The following PCDH15 variants were observed in gnomAD, a reference collection of about 807,000 sequenced individuals.
The protein encoded by PCDH15 is protocadherin related 15.
PCDH15 carries 129 observed loss-of-function variants against 178.5 expected under a neutral mutation model. The observed-to-expected ratio is 0.72, with a 90% CI of 0.63 to 0.84. The LOEUF (loss-of-function observed/expected upper bound fraction) is 0.84. PCDH15 is among the 40% of genes least tolerant of loss of function. PCDH15 has a pLI of 0.00. For synonymous variants in PCDH15, 800 were observed against 732.0 expected (o/e 1.09, Z -1.50); for missense variants, 2,230 against 2,099.9 (o/e 1.06, Z -1.21).
chr10:54,035,630 G>C (rs10825198), intron 18 of PCDH15, among the ~76,000 whole-genome samples: 91,487 of 151,644 alleles, frequency 0.6, 30,119 homozygotes, highest in Middle Eastern at 0.77. Flanking sequence ...CACTTTCCTT[G>C]AGCCTTCCTA....
intron 2 of PCDH15, among the ~76,000 whole-genome samples, chr10:55,057,084 G>T (rs1256223577): frequency 6.6e-6 from 1 of 152,138 alleles, no homozygotes; most frequent in Non-Finnish European, 1.5e-5. Flanking sequence ...AGGAAATGAA[G>T]TAAAGATAAA....
intron 3 of PCDH15, among the ~76,000 whole-genome samples, chr10:54,414,555 A>G (rs1449412391): frequency 1.2e-4 from 18 of 152,138 alleles, no homozygotes; most frequent in Admixed American, 1.2e-3. Context: ...TAGAATTTTC[A>G]GTCAGTGAAT....
At chr10:54,223,304 C>CAA (rs57667414) in intron 9 of PCDH15, among the ~76,000 whole-genome samples, 6,860 of 30,550 alleles carry the variant, frequency 0.22, 949 homozygotes, top group African/African-American at 0.39. Flanking sequence ...AACTACGTCT[C>CAA]AAAAAAAAAA....
chr10:54,600,681 T>G (rs1018483787), intron 2 of PCDH15: 1 of 569,668 alleles, frequency 1.8e-6, no homozygotes, highest in Non-Finnish European at 3.3e-6. Flanking sequence ...CCAGAGTGAC[T>G]AAGATTTGAG....
At chr10:55,408,239 G>A (rs180892339) in intron 2 of PCDH15, among the ~76,000 whole-genome samples, 1 of 150,922 alleles carries the variant, frequency 6.6e-6, no homozygotes, top group African/African-American at 2.4e-5. Context: ...AGGCTGGAGT[G>A]CAGTGGTGCG....
intron 2 of PCDH15, among the ~76,000 whole-genome samples, chr10:55,604,680 A>T (rs1389739320): frequency 1.3e-5 from 2 of 148,502 alleles, no homozygotes; most frequent in East Asian, 4.0e-4. Context: ...AGAAATAAAG[A>T]TGTTCTTTGA....
At chr10:54,975,345 C>T (rs927004052) in intron 2 of PCDH15, among the ~76,000 whole-genome samples, 3 of 152,126 alleles carry the variant, frequency 2.0e-5, no homozygotes, top group Admixed American at 1.3e-4. Flanking sequence ...CTCTTTAATA[C>T]AGATGTAAAG....
Position 53,970,286 on chromosome 10 carries a change from G to A in PCDH15, c.2869-8394C>T, listed in dbSNP as rs1177390852. Among the ~76,000 whole-genome samples, 4 of 152,050 alleles carry A rather than the reference G, an allele frequency of 2.6e-5. No homozygotes were observed. In the South Asian group the frequency reaches 8.3e-4, roughly 32 times the overall value. ...GAAGGCCATTACATAATGGTAAAGGGATCAATTCAACAAGAAGAGCTAACT... is the reference window on the plus strand; with the variant it reads ...GAAGGCCATTACATAATGGTAAAGGAATCAATTCAACAAGAAGAGCTAACT... On this transcript the variant is annotated intron_variant, in intron 21 of 37. Transcript: ENST00000644397.
At position 55,208,240 on chromosome 10, in the gene PCDH15, T is replaced by C. The variant is rs577406387; in HGVS notation, c.-155-41589A>G. On this transcript the variant is annotated intron_variant, in intron 1 of 5. Coordinates refer to the PCDH15 transcript ENST00000458638. ...TGTTGCCCACTAAATAAATAAATAT[T>C]GGAGATATTTCCATACAAGTGTTCT... Among the ~76,000 whole-genome samples, 18 of 152,238 alleles carry C rather than the reference T, an allele frequency of 1.2e-4. No homozygotes were observed. The East Asian group carries it at 3.5e-3, about 29-fold the overall frequency.
chr10:54,929,432 T>C (rs1247937500), intron 2 of PCDH15, among the ~76,000 whole-genome samples: 1 of 152,158 alleles, frequency 6.6e-6, no homozygotes, highest in Non-Finnish European at 1.5e-5. Context: ...TTTATTCTTA[T>C]ATGCAATTTT....
chr10:55,518,668 CAG>C (rs1012404621), intron 2 of PCDH15, among the ~76,000 whole-genome samples: 2 of 151,920 alleles, frequency 1.3e-5, no homozygotes, highest in Non-Finnish European at 2.9e-5. Flanking sequence ...AAAGCAGACT[CAG>C]GGGATATGCC....
intron 4 of PCDH15, among the ~76,000 whole-genome samples, chr10:54,378,535 A>G (rs1028256493): frequency 2.0e-5 from 3 of 151,996 alleles, no homozygotes; most frequent in Non-Finnish European, 4.4e-5. Flanking sequence ...TCTAAGCACT[A>G]TATTTTCTTC....
At chr10:54,273,687 C>A (rs764035848) in intron 8 of PCDH15, among the ~76,000 whole-genome samples, 15 of 151,992 alleles carry the variant, frequency 9.9e-5, no homozygotes, top group Non-Finnish European at 1.9e-4. Flanking sequence ...AAAAGTATAG[C>A]CCCAGATGGG....
At chr10:55,367,607 C>G (rs1031224264) in intron 2 of PCDH15, among the ~76,000 whole-genome samples, 1 of 151,522 alleles carries the variant, frequency 6.6e-6, no homozygotes, top group East Asian at 1.9e-4. Context: ...ACAAAACAAA[C>G]AAAAGACAAA....
At chr10:54,539,219 G>C (rs1437137099) in intron 2 of PCDH15, among the ~76,000 whole-genome samples, 6 of 152,100 alleles carry the variant, frequency 3.9e-5, no homozygotes, top group Non-Finnish European at 5.9e-5. Context: ...CATTCATCTG[G>C]TATCTTCAAG....
chr10:54,641,582 C>CCACA (rs57194998), intron 2 of PCDH15, among the ~76,000 whole-genome samples: 3,565 of 148,752 alleles, frequency 0.024, 137 homozygotes, highest in African/African-American at 0.081. Flanking sequence ...TATGCAAACA[C>CCACA]CACACACACA....
intron 2 of PCDH15, among the ~76,000 whole-genome samples, chr10:54,992,612 G>A (rs190426973): frequency 2.6e-5 from 4 of 151,942 alleles, no homozygotes; most frequent in Admixed American, 1.3e-4. Flanking sequence ...AAAATTAGCC[G>A]GGCGTGGTGG....
intron 32 of PCDH15, chr10:53,822,239 T>A: frequency 6.2e-7 from 1 of 1,613,018 alleles, no homozygotes; most frequent in East Asian, 2.2e-5. Flanking sequence ...CTGAAGGAGG[T>A]GGAGGGCAAG....
intron 3 of PCDH15, among the ~76,000 whole-genome samples, chr10:54,491,071 C>T (rs754583957): frequency 6.6e-6 from 1 of 152,088 alleles, no homozygotes; most frequent in African/African-American, 2.4e-5. Context: ...AAGGGAAAGG[C>T]AGCTATCAGC....
Sources: allele counts gnomAD v4.1 joint callset (sites outside exome capture counted in the v4.1 genomes callset), GRCh38; gene constraint gnomAD v4.1.1; transcripts MANE v1.5; gene names NCBI Gene and HGNC (gene_info 2026-07-23, HGNC 2026-07-21).